Variants in NAALADL2 observed in about 807,000 individuals in gnomAD.
The protein encoded by NAALADL2 is N-acetylated alpha-linked acidic dipeptidase like 2, also known as inactive N-acetylated-alpha-linked acidic dipeptidase-like protein 2.
Under a neutral mutation model 87.2 loss-of-function variants are expected in NAALADL2, and 76 were observed. The observed-to-expected ratio is 0.87, with a 90% CI of 0.72 to 1.05. The LOEUF is 1.05. Among genes scored for constraint, NAALADL2 ranks in the 50% least tolerant of loss-of-function variants. NAALADL2 has a pLI of 0.00. For missense variants in NAALADL2, 1,089 were observed against 945.8 expected, an observed-to-expected ratio of 1.15 and a Z score of -1.99; for synonymous variants, 354 against 331.0, an observed-to-expected ratio of 1.07 and a Z score of -0.75.
At chr3:174,845,402 C>T (rs1424898615) in intron 3 of NAALADL2, among the ~76,000 whole-genome samples, 2 of 152,160 alleles carry the variant, frequency 1.3e-5, no homozygotes, top group Admixed American at 6.5e-5. Context: ...AGGATGGGCA[C>T]ATGAGAGTTA....
intron 9 of NAALADL2, among the ~76,000 whole-genome samples, chr3:175,562,244 A>T (rs1331286182): frequency 6.6e-6 from 1 of 152,176 alleles, no homozygotes; most frequent in Non-Finnish European, 1.5e-5. Context: ...GTGACAATAG[A>T]TGATTTACTT....
intron 5 of NAALADL2, among the ~76,000 whole-genome samples, chr3:175,344,582 T>A (rs1007236106): frequency 6.6e-6 from 1 of 152,062 alleles, no homozygotes; most frequent in African/African-American, 2.4e-5. Flanking sequence ...TGTTTTTATC[T>A]TTTATCTTGG....
intron 2 of NAALADL2, among the ~76,000 whole-genome samples, chr3:174,627,746 A>G (rs1721718880): frequency 6.6e-6 from 1 of 152,224 alleles, no homozygotes. Flanking sequence ...ACAGTACCAC[A>G]ATACTAGTTG....
At chr3:175,182,568 T>G (rs1252039504) in intron 2 of NAALADL2, among the ~76,000 whole-genome samples, 1 of 109,652 alleles carries the variant, frequency 9.1e-6, no homozygotes, top group Non-Finnish European at 1.9e-5. Flanking sequence ...TTTTTTTTTT[T>G]TTTTTTTTTT....
chr3:174,860,320 T>C (rs1726335994), intron 1 of NAALADL2, among the ~76,000 whole-genome samples: 1 of 152,094 alleles, frequency 6.6e-6, no homozygotes, highest in Non-Finnish European at 1.5e-5. Flanking sequence ...TCTTTTTTTA[T>C]CTCTGTATAT....
intron 1 of NAALADL2, among the ~76,000 whole-genome samples, chr3:174,932,592 T>C (rs1483720433): frequency 1.3e-5 from 2 of 152,076 alleles, no homozygotes; most frequent in African/African-American, 4.8e-5. Flanking sequence ...GGGCTTTCCT[T>C]AGCTTCCTTC....
chr3:174,532,790 C>T (rs573463644), intron 1 of NAALADL2, among the ~76,000 whole-genome samples: 183 of 152,204 alleles, frequency 1.2e-3, no homozygotes, highest in African/African-American at 3.9e-3. Context: ...ACTGTATCCC[C>T]TGTTGACTTT....
intron 13 of NAALADL2, among the ~76,000 whole-genome samples, chr3:175,778,975 T>A (rs997451801): frequency 3.4e-4 from 51 of 152,180 alleles, no homozygotes; most frequent in South Asian, 8.3e-4. Context: ...CACAAAAAAA[T>A]GAAGACTCAA....
chr3:174,995,762 T>C (rs1208969898), intron 1 of NAALADL2, among the ~76,000 whole-genome samples: 1 of 151,710 alleles, frequency 6.6e-6, no homozygotes, highest in Non-Finnish European at 1.5e-5. Flanking sequence ...ACCTTAACCT[T>C]TGAATTGCTT....
chr3:175,602,612 A>C (rs567216976), intron 10 of NAALADL2, among the ~76,000 whole-genome samples: 4 of 152,264 alleles, frequency 2.6e-5, no homozygotes, highest in African/African-American at 9.6e-5. Flanking sequence ...AAGACTGGAA[A>C]TGATAATTGA....
chr3:175,777,083 C>T (rs1330130783), intron 13 of NAALADL2, among the ~76,000 whole-genome samples: 1 of 151,400 alleles, frequency 6.6e-6, no homozygotes, highest in Non-Finnish European at 1.5e-5. Flanking sequence ...TTGCCGTCTT[C>T]TGATTGATGA....
At chr3:174,441,519 C>T (rs1714623362) in intron 1 of NAALADL2, among the ~76,000 whole-genome samples, 1 of 152,124 alleles carries the variant, frequency 6.6e-6, no homozygotes, top group African/African-American at 2.4e-5. Flanking sequence ...GCGCGCAGCA[C>T]AGTTCCGCCC....
intron 2 of NAALADL2, among the ~76,000 whole-genome samples, chr3:174,725,103 T>C (rs1049064758): frequency 6.6e-6 from 1 of 152,148 alleles, no homozygotes; most frequent in East Asian, 1.9e-4. Flanking sequence ...CAAAGGAACA[T>C]GTATTGGATT....
At chr3:174,766,488 G>A (rs1713821283) in intron 3 of NAALADL2, among the ~76,000 whole-genome samples, 1 of 152,144 alleles carries the variant, frequency 6.6e-6, no homozygotes, top group East Asian at 1.9e-4. Flanking sequence ...CACATTATGT[G>A]TCAAGAAGCA....
At chr3:175,512,366 A>G (rs1343280920) in intron 9 of NAALADL2, among the ~76,000 whole-genome samples, 2 of 152,202 alleles carry the variant, frequency 1.3e-5, no homozygotes, top group African/African-American at 2.4e-5. Flanking sequence ...ATCATGGTCA[A>G]TGATATCACC....
rs147802258 is a variant in NAALADL2, at chr3:174,487,927, G to A, written c.-184+46895G>A. ...TTTTGCAGTAGTCACCAGGATTTAC[G>A]TAGCAAGAGCCAATATATAAAAAGA... On this transcript the variant is annotated intron_variant, in intron 1 of 3. Coordinates refer to the NAALADL2 transcript ENST00000434257. Among the ~76,000 whole-genome samples, 416 of 152,026 alleles carry A rather than the reference G, an allele frequency of 2.7e-3. 3 individuals are homozygous for A. Among genetic ancestry groups the A allele is most frequent in the African/African-American group, 9.4e-3 (391 of 41,506 alleles).
intron 2 of NAALADL2, among the ~76,000 whole-genome samples, chr3:174,596,307 C>T (rs1049433602): frequency 6.6e-6 from 1 of 152,142 alleles, no homozygotes; most frequent in Non-Finnish European, 1.5e-5. Flanking sequence ...TCTCTACTAC[C>T]ATTGATGCTG....
At chr3:174,873,725 C>T (rs1428839624) in intron 1 of NAALADL2, among the ~76,000 whole-genome samples, 2 of 151,770 alleles carry the variant, frequency 1.3e-5, no homozygotes, top group Non-Finnish European at 2.9e-5. Context: ...AGGTACTTAT[C>T]CTGGGAATTA....
intron 2 of NAALADL2, among the ~76,000 whole-genome samples, chr3:175,232,284 A>G (rs1032828760): frequency 2.0e-5 from 3 of 152,088 alleles, no homozygotes; most frequent in African/African-American, 7.2e-5. Context: ...GTGGGAAGAA[A>G]GCATGAATAG....
Sources: gnomAD v4.1 joint callset for allele counts (sites outside exome capture counted in the v4.1 genomes callset) on GRCh38, gnomAD v4.1.1 for gene constraint, MANE v1.5 for transcripts, NCBI Gene and HGNC (gene_info 2026-07-23, HGNC 2026-07-21) for gene names.